The following TXLNB variants were observed in gnomAD, a reference collection of about 807,000 sequenced individuals.
TXLNB encodes beta-taxilin.
A neutral mutation model predicts 57.4 loss-of-function variants in TXLNB; 37 were observed. That is an observed-to-expected ratio of 0.64 (90% CI 0.50 to 0.85). The LOEUF (loss-of-function observed/expected upper bound fraction) is 0.85, where lower values mean the gene tolerates loss of function less well. TXLNB is among the 40% of genes least tolerant of loss of function. The pLI, the probability that TXLNB is intolerant of heterozygous loss-of-function variation, is 0.00. For synonymous variants in TXLNB, 302 were observed against 309.6 expected (o/e 0.98, Z 0.26); for missense variants, 848 against 825.6 (o/e 1.03, Z -0.33).
At chr6:139,278,096 G>T (rs1350374066) in intron 2 of TXLNB, among the ~76,000 whole-genome samples, 1 of 152,160 alleles carries the variant, frequency 6.6e-6, no homozygotes, top group South Asian at 2.1e-4. Context: ...ATGGAATCAA[G>T]GAATTTTAGG....
At position 139,242,806 on chromosome 6, in the gene TXLNB, C is replaced by CGTCT. The variant is rs765835509; in HGVS notation, c.1774_1775insAGAC (p.Gly592GlufsTer10). 2 of 1,613,992 alleles carry CGTCT rather than the reference C, an allele frequency of 1.2e-6. No homozygotes were observed. Among genetic ancestry groups the CGTCT allele is most frequent in the Non-Finnish European group, 1.7e-6 (2 of 1,180,032 alleles). On this transcript the variant is annotated frameshift_variant, in exon 10 of 10. Transcript: ENST00000358430. LOFTEE classifies it low-confidence loss of function (END_TRUNC). ...ATCAGCCTGTGCTCCAACAGGGAGA[C>CGTCT]CCTCGCATTGGGTTTCTGCTCCCAA...
Position 139,242,673 on chromosome 6 carries a change from T to G in TXLNB, c.1908A>C (p.Ala636=). The change falls in exon 10 of 10, where the codon GCA becomes GCC. Residue 636 remains alanine (A), a synonymous_variant. Coordinates refer to ENST00000358430, the MANE Select transcript of TXLNB (RefSeq NM_153235.4). ...CCATGGCTGCAACGTGCTCTTCTGCTGCGCATGCTGGAGCAGGCACATCTG... is the reference window on the plus strand; with the variant it reads ...CCATGGCTGCAACGTGCTCTTCTGCGGCGCATGCTGGAGCAGGCACATCTG... ...MEADVPAPAC[A]AEEHVAAMVP... 1.2e-6 allele frequency: 2 copies of G among 1,611,166 alleles called. No homozygotes were observed. Among genetic ancestry groups the G allele is most frequent in the Non-Finnish European group, 1.7e-6 (2 of 1,178,906 alleles).
chr6:139,301,190 C>A, the TXLNB span, among the ~76,000 whole-genome samples: 3 of 151,944 alleles, frequency 2.0e-5, no homozygotes, highest in African/African-American at 7.3e-5. Context: ...TATGGCTAGG[C>A]GAAATCATGG....
At chr6:139,168,230 CTG>C in the TXLNB span, among the ~76,000 whole-genome samples, 2 of 152,134 alleles carry the variant, frequency 1.3e-5, no homozygotes, top group Non-Finnish European at 1.5e-5. Context: ...AGGTGGATGA[CTG>C]TGCATCCCCC....
At chr6:139,216,220 A>G in the TXLNB span, among the ~76,000 whole-genome samples, 1 of 151,714 alleles carries the variant, frequency 6.6e-6, no homozygotes, top group Non-Finnish European at 1.5e-5. Context: ...ACTTGGAACC[A>G]ACCCAAATGT....
At chr6:139,292,647 G>A (rs1031111230), upstream of TXLNB, among the ~76,000 whole-genome samples, 4 of 152,198 alleles carry the variant, frequency 2.6e-5, no homozygotes, top group Non-Finnish European at 5.9e-5. This position sits in a 1 kb window ranked among gnomAD's most constrained non-coding sequence, Gnocchi z 4.0. Flanking sequence ...TTGGAGCACA[G>A]TCTTTCCCAG....
chr6:139,229,713 A>G, the TXLNB span, among the ~76,000 whole-genome samples: 3 of 152,196 alleles, frequency 2.0e-5, no homozygotes, highest in Non-Finnish European at 2.9e-5. Context: ...GAGCTTAGAA[A>G]TGAGGGTGGG....
At chr6:139,216,615 T>G in the TXLNB span, among the ~76,000 whole-genome samples, 2 of 151,932 alleles carry the variant, frequency 1.3e-5, no homozygotes, top group African/African-American at 4.8e-5. Context: ...TCCTAAAACT[T>G]AAAGTATAAT....
At chr6:139,314,959 A>C in the TXLNB span, among the ~76,000 whole-genome samples, 10 of 152,162 alleles carry the variant, frequency 6.6e-5, no homozygotes, top group African/African-American at 2.4e-4. Context: ...AGAACAAACA[A>C]ATTAGCTACA....
At chr6:139,171,751 C>T in the TXLNB span, among the ~76,000 whole-genome samples, 1 of 152,118 alleles carries the variant, frequency 6.6e-6, no homozygotes, top group Non-Finnish European at 1.5e-5. Flanking sequence ...CCCAGCTTCT[C>T]CAGTAGCTAG....
At chr6:139,208,811 G>A in the TXLNB span, among the ~76,000 whole-genome samples, 5 of 152,158 alleles carry the variant, frequency 3.3e-5, no homozygotes, top group Admixed American at 6.5e-5. Flanking sequence ...AAAGCCATAT[G>A]TGACAACCCA....
chr6:139,160,963 A>G, the TXLNB span, among the ~76,000 whole-genome samples: 51 of 152,282 alleles, frequency 3.3e-4, no homozygotes, highest in African/African-American at 1.2e-3. Flanking sequence ...TCAAACAACT[A>G]ATCAGGAGCA....
rs751685574 is a variant in TXLNB, at chr6:139,242,946, AG to A, written c.1634del (p.Pro545LeufsTer2). ...TCTCTGAATCCCGTGAAGGGATCAG[AG>A]GGGGTTGCTCTGGCTCCTTGAGAGC... is the stretch of plus-strand genomic sequence containing the variant. ...DAALKEPEQP[P>X]LIPSRDSESP... is the part of the protein sequence containing the mutation. On this transcript the variant is annotated frameshift_variant, in exon 10 of 10. Coordinates refer to ENST00000358430, the MANE Select transcript of TXLNB (RefSeq NM_153235.4). LOFTEE classifies it low-confidence loss of function (END_TRUNC). The A allele has an allele frequency of 7.4e-6, 12 of 1,614,036 alleles. No homozygotes were observed. In the South Asian group the frequency reaches 1.2e-4, roughly 16 times the overall value.
the TXLNB span, among the ~76,000 whole-genome samples, chr6:139,217,587 G>A: frequency 6.6e-6 from 1 of 152,118 alleles, no homozygotes; most frequent in Non-Finnish European, 1.5e-5. Flanking sequence ...TTTTAGCTTA[G>A]GCTGGGCGTG....
chr6:139,289,028 C>T (rs1777246455), intron 1 of TXLNB, 115 bp from the exon 2 acceptor site: 5 of 761,640 alleles, frequency 6.6e-6, no homozygotes, highest in Middle Eastern at 7.6e-4. Context: ...TAGTCTCTAA[C>T]GTAGAGAAAG....
At chr6:139,255,538 C>T (rs747800100) in intron 7 of TXLNB, 26 bp downstream of exon 7, 20 of 1,607,216 alleles carry the variant, frequency 1.2e-5, no homozygotes, top group Non-Finnish European at 1.7e-5. Flanking sequence ...GGACAGCACC[C>T]CCATGCCTCG....
At chr6:139,164,304 A>G in the TXLNB span, among the ~76,000 whole-genome samples, 1 of 151,830 alleles carries the variant, frequency 6.6e-6, no homozygotes, top group African/African-American at 2.4e-5. Context: ...GACCAAGCCC[A>G]GTGGTTCCCA....
chr6:139,280,275 A>G (rs1258243014), intron 2 of TXLNB, among the ~76,000 whole-genome samples: 3 of 135,400 alleles, frequency 2.2e-5, no homozygotes, highest in Non-Finnish European at 4.9e-5. Flanking sequence ...AAAAAAAAAA[A>G]GAAAGAAAGA....
At chr6:139,259,749 C>T (rs547909379) in intron 6 of TXLNB, among the ~76,000 whole-genome samples, 37 of 152,212 alleles carry the variant, frequency 2.4e-4, no homozygotes, top group African/African-American at 8.4e-4. Context: ...GCTATGTCCC[C>T]GCACCTAACA....
Sources: allele counts gnomAD v4.1 joint callset (sites outside exome capture counted in the v4.1 genomes callset), GRCh38; gene constraint gnomAD v4.1.1; non-coding constraint Gnocchi (gnomAD v3.1); transcripts MANE v1.5; gene names NCBI Gene and HGNC (gene_info 2026-07-23, HGNC 2026-07-21).